ARSK: variants seen among roughly 807,000 people sequenced by gnomAD.
ARSK encodes the protein arylsulfatase K.
In ARSK, 37 loss-of-function variants were observed where a neutral mutation model predicts 53.2. The ratio of observed to expected loss-of-function variants is 0.70; its 90% CI spans 0.54 to 0.92. The LOEUF (loss-of-function observed/expected upper bound fraction) is 0.92, where lower values mean the gene tolerates loss of function less well. Among genes scored for constraint, ARSK ranks in the 40% least tolerant of loss-of-function variants. The pLI is 0.00. For synonymous variants in ARSK, 208 were observed against 223.2 expected (o/e 0.93, Z 0.61); for missense variants, 613 against 643.0 (o/e 0.95, Z 0.51).
At position 95,604,220 on chromosome 5, in the gene ARSK, T is replaced by C. The variant is rs141981367; in HGVS notation, c.*694T>C. ...TATTTGATGGGATTGTTTGGATGTA[T>C]TTAATGGGAGTATTTGGAGTATTTA... On this transcript the variant is annotated 3_prime_UTR_variant, in exon 8 of 8. Transcript: ENST00000380009. 6.6e-6 allele frequency: 1 copy of C among 152,234 alleles called. No individual in the cohort carries two copies. 9.4% of individuals were successfully genotyped at this position (152,234 alleles called of 1,614,324 possible).
intron 6 of ARSK, among the ~76,000 whole-genome samples, chr5:95,599,846 T>C (rs1749368628): frequency 6.6e-6 from 1 of 152,190 alleles, no homozygotes; most frequent in African/African-American, 2.4e-5. Flanking sequence ...GATAGTCAAG[T>C]TAAATTAATT....
In ARSK at chr5:95,592,362, G is replaced by A. The variant is rs186895150; in HGVS notation, c.1096+737G>A. Among the ~76,000 whole-genome samples, 510 of 152,160 alleles carry A rather than the reference G, an allele frequency of 3.4e-3. 3 individuals are homozygous for A. Among genetic ancestry groups the A allele is most frequent in the Admixed American group, 8.8e-3 (135 of 15,278 alleles). ...TCTCTAATTTCAGAAATGTTAAAAT[G>A]TGAAAGAAAGATGCATCTTAAAATC... On this transcript the variant is annotated intron_variant, in intron 6 of 7. Coordinates refer to ENST00000380009, the MANE Select transcript of ARSK (RefSeq NM_198150.3).
chr5:95,556,947 T>C (rs1392261190), intron 1 of ARSK: 1 of 151,680 alleles, frequency 6.6e-6, no homozygotes, highest in African/African-American at 2.4e-5. Flanking sequence ...GAGGCGGAGC[T>C]TGCAGTGACC....
At chr5:95,590,946 AAGT>A (rs1265216505) in intron 5 of ARSK, among the ~76,000 whole-genome samples, 1 of 152,172 alleles carries the variant, frequency 6.6e-6, no homozygotes, top group Non-Finnish European at 1.5e-5. Flanking sequence ...TTGGGAGAAA[AAGT>A]AGCAGAGAAG....
In ARSK at chr5:95,555,496, T is replaced by G; in HGVS notation, c.126+92T>G. ...GCTGCAGGCTTTGGGGAGCAGAACC[T>G]GAGACATTTTCAAACACCTTTTACC... On this transcript the variant is annotated intron_variant, in intron 1 of 7. Transcript: ENST00000380009. The surrounding 1 kb of genome is among the most constrained non-coding windows in gnomAD (Gnocchi z 4.0). 7.3e-7 allele frequency: 1 copy of G among 1,371,236 alleles called. No individual in the cohort carries two copies. The highest frequency in any genetic ancestry group is 2.7e-5 in the East Asian group (1 of 37,274). 84.9% of individuals were successfully genotyped at this position (1,371,236 alleles called of 1,614,324 possible).
Position 95,603,488 on chromosome 5 carries a change from C to G in ARSK, c.1573C>G (p.Gln525Glu). Residue 525 changes from glutamine to glutamate, a missense_variant, in exon 8 of 8, where the codon CAG becomes GAG. Coordinates refer to ENST00000380009, the MANE Select transcript of ARSK (RefSeq NM_198150.3). ...EPRKYENAID[Q>E]WLKTHMNPRA... ...AAGGAAGTATGAAAATGCAATTGATCAGTGGCTTAAAACCCATATGAATCC... is the reference window on the plus strand; with the variant it reads ...AAGGAAGTATGAAAATGCAATTGATGAGTGGCTTAAAACCCATATGAATCC... The G allele has an allele frequency of 6.2e-7, 1 of 1,612,064 alleles. No homozygotes were observed. The highest frequency in any genetic ancestry group is 1.7e-5 in the Admixed American group (1 of 59,700).
intron 1 of ARSK, among the ~76,000 whole-genome samples, chr5:95,564,111 G>A (rs895691023): frequency 2.0e-5 from 3 of 151,520 alleles, no homozygotes; most frequent in Admixed American, 2.0e-4. Context: ...CCGAGTAGCT[G>A]GGATCACAGG....
chr5:95,591,520 G>A lies in ARSK; in HGVS notation c.991G>A (p.Glu331Lys), dbSNP rs375563497. The A allele has an allele frequency of 2.9e-5, 46 of 1,614,026 alleles. No homozygotes were observed. Among genetic ancestry groups the A allele is most frequent in the Non-Finnish European group, 3.4e-5 (40 of 1,180,020 alleles). ...HRQFYKMSMY[E>K]ASAHVPLLMM... ...ACAGTTTTATAAAATGAGCATGTAC[G>A]AGGCTAGTGCACATGTTCCGCTTTT... The change falls in exon 6 of 8, where the codon GAG becomes AAG. Residue 331 changes from glutamate (E) to lysine (K), a missense_variant. Glu to Lys is a moderately conservative substitution (Grantham distance 56). Coordinates refer to ENST00000380009, the MANE Select transcript of ARSK (RefSeq NM_198150.3).
intron 4 of ARSK, among the ~76,000 whole-genome samples, chr5:95,585,933 T>TG (rs1749104201): frequency 6.6e-6 from 1 of 152,220 alleles, no homozygotes; most frequent in Non-Finnish European, 1.5e-5. Context: ...GGTTTCATCT[T>TG]CAAAAATTTG....
At chr5:95,593,580 G>A (rs184854533) in intron 6 of ARSK, among the ~76,000 whole-genome samples, 1 of 152,208 alleles carries the variant, frequency 6.6e-6, no homozygotes, top group East Asian at 1.9e-4. Context: ...AAAAGTTAAA[G>A]GTCATCTGCA....
chr5:95,572,018 C>T (rs1233702942), intron 3 of ARSK, among the ~76,000 whole-genome samples: 2 of 152,088 alleles, frequency 1.3e-5, no homozygotes, highest in African/African-American at 4.8e-5. Flanking sequence ...ATTTTTGAAC[C>T]TGCTTATATT....
chr5:95,587,594 T>A (rs1229035466), intron 5 of ARSK, among the ~76,000 whole-genome samples: 1 of 152,188 alleles, frequency 6.6e-6, no homozygotes, highest in African/African-American at 2.4e-5. Flanking sequence ...TTATTTATAA[T>A]ATAGCAAGTA....
chr5:95,576,238 C>T (rs1748922372), intron 3 of ARSK, among the ~76,000 whole-genome samples: 1 of 130,906 alleles, frequency 7.6e-6, no homozygotes, highest in Admixed American at 8.5e-5. Context: ...CTTGCTCTGT[C>T]ACTAGGCTGG....
chr5:95,591,147 A>C (rs1243406162), intron 5 of ARSK, among the ~76,000 whole-genome samples: 1 of 152,198 alleles, frequency 6.6e-6, no homozygotes, highest in Non-Finnish European at 1.5e-5. Context: ...ACAAGCCGGC[A>C]TGATCTCCAG....
chr5:95,571,629 C>G (rs567502707), intron 3 of ARSK, among the ~76,000 whole-genome samples: 4 of 152,112 alleles, frequency 2.6e-5, no homozygotes, highest in Non-Finnish European at 4.4e-5. Context: ...AGGAAAAAAA[C>G]ACTTAGATGT....
At chr5:95,559,168 T>C (rs1001686857) in intron 1 of ARSK, among the ~76,000 whole-genome samples, 1 of 152,038 alleles carries the variant, frequency 6.6e-6, no homozygotes, top group African/African-American at 2.4e-5. Context: ...AAACAGTTCA[T>C]GCCTGATTCC....
At chr5:95,579,111 C>T (rs998537633) in intron 3 of ARSK, among the ~76,000 whole-genome samples, 1 of 152,150 alleles carries the variant, frequency 6.6e-6, no homozygotes, top group African/African-American at 2.4e-5. Context: ...TGATTATCCT[C>T]CATTTTGATT....
intron 3 of ARSK, among the ~76,000 whole-genome samples, chr5:95,570,783 CTT>C (rs59188205): frequency 3.0e-4 from 43 of 142,446 alleles, no homozygotes; most frequent in African/African-American, 2.8e-4. Context: ...ATATAACCAT[CTT>C]TTTTTTTTTT....
chr5:95,581,849 T>C (rs1462782653), intron 3 of ARSK, among the ~76,000 whole-genome samples: 2 of 152,176 alleles, frequency 1.3e-5, no homozygotes, highest in Non-Finnish European at 2.9e-5. Context: ...TAGAATCTGT[T>C]AGATGTAATT....
Sources: gnomAD v4.1 joint callset for allele counts (sites outside exome capture counted in the v4.1 genomes callset) on GRCh38, gnomAD v4.1.1 for gene constraint, Gnocchi (gnomAD v3.1) non-coding constraint, MANE v1.5 for transcripts, NCBI Gene and HGNC (gene_info 2026-07-23, HGNC 2026-07-21) for gene names.